The following IGFL2 variants were observed in gnomAD, a reference collection of about 807,000 sequenced individuals.
IGFL2 encodes the protein IGF like family member 2.
A neutral mutation model predicts 13.9 loss-of-function variants in IGFL2; 7 were observed. That is an observed-to-expected ratio of 0.51 (90% confidence interval 0.29 to 0.95). IGFL2 has a LOEUF of 0.95. Ranked by LOEUF, IGFL2 falls within the 40% of genes least tolerant of loss-of-function variation. IGFL2 has a pLI of 0.08. For synonymous variants in IGFL2, 55 were observed against 55.8 expected (o/e 0.99, Z 0.07); for missense variants, 138 against 147.8 (o/e 0.93, Z 0.34).
the IGFL2 span, chr19:46,124,483 C>T: frequency 1.0e-4 from 116 of 1,125,452 alleles, 6 homozygotes; most frequent in Middle Eastern, 7.9e-4. Context: ...CTGAGCAGCA[C>T]GCTCAGTCAC....
the IGFL2 span, among the ~76,000 whole-genome samples, chr19:46,099,793 T>TG: frequency 1.3e-5 from 2 of 152,208 alleles, no homozygotes; most frequent in Non-Finnish European, 2.9e-5. Context: ...TCCAAAGTGC[T>TG]GGGATTACAG....
At chr19:46,145,065 T>C (rs1455312496), upstream of IGFL2, among the ~76,000 whole-genome samples, 3 of 152,164 alleles carry the variant, frequency 2.0e-5, no homozygotes, top group African/African-American at 7.2e-5. Flanking sequence ...TTTTTTGCTA[T>C]TACAAGTAAA....
chr19:46,148,484 C>G (rs937390956), intron 1 of IGFL2, among the ~76,000 whole-genome samples, 187 bp downstream of exon 1: 65 of 152,284 alleles, frequency 4.3e-4, no homozygotes, highest in Admixed American at 3.3e-3. Context: ...TTAACCCTTT[C>G]CAGAGCCCTC....
At chr19:46,123,234 A>G in the IGFL2 span, among the ~76,000 whole-genome samples, 1 of 150,904 alleles carries the variant, frequency 6.6e-6, no homozygotes, top group Non-Finnish European at 1.5e-5. Context: ...CTCCTGAAAA[A>G]GGATACTGAC....
the IGFL2 span, among the ~76,000 whole-genome samples, chr19:46,088,828 G>A: frequency 6.6e-6 from 1 of 152,174 alleles, no homozygotes; most frequent in African/African-American, 2.4e-5. Flanking sequence ...ACTGTTGTAT[G>A]TTGATTGGGG....
At chr19:46,165,703 A>G (rs77880156), downstream of IGFL2, among the ~76,000 whole-genome samples, 13 of 152,320 alleles carry the variant, frequency 8.5e-5, no homozygotes, top group East Asian at 1.9e-3. Flanking sequence ...TCACGAGGCA[A>G]TGCCTGCACT....
chr19:46,090,860 G>A, the IGFL2 span, among the ~76,000 whole-genome samples: 151 of 152,318 alleles, frequency 9.9e-4, no homozygotes, highest in African/African-American at 3.5e-3. Context: ...TTGAGCGGTT[G>A]CAGGGGTCTG....
the IGFL2 span, among the ~76,000 whole-genome samples, chr19:46,092,050 G>C: frequency 6.6e-6 from 1 of 152,088 alleles, no homozygotes; most frequent in Non-Finnish European, 1.5e-5. Flanking sequence ...CATTTTTTAC[G>C]TTCAAACCTG....
chr19:46,119,904 G>A, the IGFL2 span, among the ~76,000 whole-genome samples: 1 of 150,728 alleles, frequency 6.6e-6, no homozygotes, highest in Non-Finnish European at 1.5e-5. Context: ...CAGCATCTGG[G>A]GGATGCCCAC....
chr19:46,106,562 G>A, the IGFL2 span, among the ~76,000 whole-genome samples: 1 of 152,170 alleles, frequency 6.6e-6, no homozygotes, highest in Non-Finnish European at 1.5e-5. Flanking sequence ...ATAATGGGTT[G>A]TGGAGGGAGG....
At chr19:46,199,262 A>C in the IGFL2 span, among the ~76,000 whole-genome samples, 1 of 152,216 alleles carries the variant, frequency 6.6e-6, no homozygotes, top group Non-Finnish European at 1.5e-5. Context: ...AATTAAACAA[A>C]TGTCTGTCTG....
At chr19:46,137,658 A>G in the IGFL2 span, 5 of 655,250 alleles carry the variant, frequency 7.6e-6, no homozygotes, top group African/African-American at 1.8e-5. Flanking sequence ...GGGGACACCT[A>G]TGCGGCCAGT....
At chr19:46,113,552 T>C in the IGFL2 span, 1 of 298,836 alleles carries the variant, frequency 3.3e-6, no homozygotes, top group Non-Finnish European at 6.9e-6. Context: ...CAATGACCCA[T>C]GGGCACAAGA....
the IGFL2 span, chr19:46,123,879 C>T: frequency 6.2e-7 from 1 of 1,606,156 alleles, no homozygotes; most frequent in Non-Finnish European, 8.5e-7. Context: ...AAGGTAGGGA[C>T]CTTTACCTGG....
upstream of IGFL2, among the ~76,000 whole-genome samples, chr19:46,146,267 T>C (rs1391802499): frequency 6.6e-6 from 1 of 152,148 alleles, no homozygotes; most frequent in Non-Finnish European, 1.5e-5. Flanking sequence ...ACTATATTTG[T>C]TTGGGTTTAT....
At chr19:46,112,549 A>T in the IGFL2 span, among the ~76,000 whole-genome samples, 1 of 152,254 alleles carries the variant, frequency 6.6e-6, no homozygotes, top group African/African-American at 2.4e-5. Flanking sequence ...AGGCGAAACC[A>T]GTACAGTCAG....
the IGFL2 span, chr19:46,123,911 A>G: frequency 6.2e-7 from 1 of 1,611,072 alleles, no homozygotes; most frequent in Non-Finnish European, 8.5e-7. Context: ...GAGATGGGAG[A>G]TAAGTGACAC....
the IGFL2 span, among the ~76,000 whole-genome samples, chr19:46,188,059 A>G: frequency 3.3e-5 from 5 of 152,210 alleles, no homozygotes; most frequent in African/African-American, 9.7e-5. Context: ...AATAGGATAT[A>G]AATAATTCCC....
At chr19:46,153,375 G>C (rs1442181438) in intron 1 of IGFL2, among the ~76,000 whole-genome samples, 1 of 152,128 alleles carries the variant, frequency 6.6e-6, no homozygotes, top group Non-Finnish European at 1.5e-5. Flanking sequence ...CATTTTAACT[G>C]AGATGAGGTA....
Sources: gnomAD v4.1 joint callset for allele counts (sites outside exome capture counted in the v4.1 genomes callset) on GRCh38, gnomAD v4.1.1 for gene constraint, MANE v1.5 for transcripts, NCBI Gene and HGNC (gene_info 2026-07-23, HGNC 2026-07-21) for gene names.